VAV2: variants seen among roughly 807,000 people sequenced by gnomAD.
VAV2 encodes the protein guanine nucleotide exchange factor VAV2.
A neutral mutation model predicts 132.5 loss-of-function variants in VAV2; 67 were observed. The observed-to-expected ratio is 0.51, with a 90% CI of 0.42 to 0.62. The LOEUF (loss-of-function observed/expected upper bound fraction) is 0.62. Ranked by LOEUF, VAV2 falls within the 20% of genes least tolerant of loss-of-function variation. The pLI is 0.00. For missense variants in VAV2, 938 were observed against 1,153.6 expected (o/e 0.81, Z 2.71); for synonymous variants, 492 against 443.5 (o/e 1.11, Z -1.37).
intron 4 of VAV2, among the ~76,000 whole-genome samples, chr9:133,815,892 G>A (rs1332168430): frequency 6.6e-6 from 1 of 152,216 alleles, no homozygotes; most frequent in South Asian, 2.1e-4. Context: ...GGGAGGTCTA[G>A]ACTCAACCTC....
chr9:133,984,120 C>T (rs966847695), intron 1 of VAV2, among the ~76,000 whole-genome samples: 2 of 152,104 alleles, frequency 1.3e-5, no homozygotes, highest in Admixed American at 1.3e-4. Context: ...TACAAGTGTG[C>T]ACCACCACAC....
intron 2 of VAV2, among the ~76,000 whole-genome samples, chr9:133,901,131 G>C (rs1413540297): frequency 1.3e-5 from 2 of 152,104 alleles, no homozygotes; most frequent in African/African-American, 4.8e-5. Flanking sequence ...GAACCTTAAG[G>C]GGGCCAAGGG....
intron 2 of VAV2, among the ~76,000 whole-genome samples, chr9:133,886,718 C>G (rs1162051699): frequency 6.6e-6 from 1 of 152,230 alleles, no homozygotes; most frequent in Non-Finnish European, 1.5e-5. Flanking sequence ...CCTTCCTCTT[C>G]CGCTGGCAAC....
intron 1 of VAV2, among the ~76,000 whole-genome samples, chr9:133,960,956 C>G (rs899010703): frequency 4.6e-5 from 7 of 152,224 alleles, no homozygotes; most frequent in Non-Finnish European, 8.8e-5. Context: ...ATGGTGAGCA[C>G]AGAGGCAGGA....
intron 13 of VAV2, among the ~76,000 whole-genome samples, chr9:133,790,235 G>C (rs938655225): frequency 6.6e-6 from 1 of 152,194 alleles, no homozygotes; most frequent in Non-Finnish European, 1.5e-5. Flanking sequence ...GGAGTGCAGT[G>C]GCGCAATCGT....
chr9:133,780,219 T>C (rs73550069), intron 20 of VAV2, among the ~76,000 whole-genome samples: 12,745 of 152,230 alleles, frequency 0.084, 793 homozygotes, highest in African/African-American at 0.17. Flanking sequence ...CCTGACCACC[T>C]GCTCTGAGCC....
chr9:133,818,885 C>G (rs138493205), intron 4 of VAV2, among the ~76,000 whole-genome samples: 34 of 152,200 alleles, frequency 2.2e-4, no homozygotes, highest in Non-Finnish European at 1.9e-4. Flanking sequence ...GCTGGGATTA[C>G]AGGCACTCAC....
chr9:133,852,450 CA>C (rs1837225631), intron 3 of VAV2, among the ~76,000 whole-genome samples: 1 of 151,718 alleles, frequency 6.6e-6, no homozygotes, highest in African/African-American at 2.4e-5. Context: ...AGGAGAAAAG[CA>C]ATAATAAAAT....
intron 2 of VAV2, among the ~76,000 whole-genome samples, chr9:133,932,785 G>A (rs603601): frequency 0.39 from 59,101 of 152,016 alleles, 12,289 homozygotes; most frequent in East Asian, 0.58. Flanking sequence ...GGAGGCACCA[G>A]AAGGCAGGTG....
chr9:133,764,200 G>A, intron 29 of VAV2, 91 bp from the exon 30 acceptor site: 1 of 1,538,980 alleles, frequency 6.5e-7, no homozygotes, highest in South Asian at 1.1e-5. Context: ...GCAAGTAGAG[G>A]CTCATGAAGA....
intron 3 of VAV2, among the ~76,000 whole-genome samples, chr9:133,853,656 G>C (rs1837273377): frequency 6.6e-6 from 1 of 152,098 alleles, no homozygotes; most frequent in Admixed American, 6.5e-5. Flanking sequence ...TCCCCACCCA[G>C]GGCCAGCTCT....
Position 133,824,209 on chromosome 9 carries a change from GGT to G in VAV2, c.449+10061_449+10062del, listed in dbSNP as rs199996044. Among the ~76,000 whole-genome samples the G allele has an allele frequency of 0.016, 2,378 of 152,256 alleles. 36 individuals carry two copies. The highest frequency in any genetic ancestry group is 0.02 in the Middle Eastern group (6 of 294). ...TGCTGATGGCTCTGTTAACAGGGAA[GGT>G]GCGGACAGGGAGCTCCCGCCCAGCA... On this transcript the variant is annotated intron_variant, in intron 4 of 29. Coordinates refer to ENST00000371850, the MANE Select transcript of VAV2 (RefSeq NM_001134398.2). The surrounding 1 kb of genome is among the most constrained non-coding windows in gnomAD (Gnocchi z 5.2).
Position 133,776,047 on chromosome 9 carries a change from C to T in VAV2, c.1999G>A (p.Asp667Asn), listed in dbSNP as rs142558070. 1.4e-4 allele frequency: 228 copies of T among 1,613,056 alleles called. No individual in the cohort carries two copies. The African/African-American group carries it at 2.6e-3, about 18-fold the overall frequency. Residue 667 changes from aspartate to asparagine, a missense_variant, in exon 24 of 30, where the codon GAC (aspartate) becomes AAC (asparagine). Transcript: ENST00000371850. Reference protein sequence around the residue: ...PISRPPSREIDYTAYPWFAGN... With the variant: ...PISRPPSREINYTAYPWFAGN... Reference sequence around the variant, plus strand: ...ACTCACCAGGGGTATGCAGTGTAGTCGATCTCCCGGGATGGCGGCCGGCTG... The same window carrying T: ...ACTCACCAGGGGTATGCAGTGTAGTTGATCTCCCGGGATGGCGGCCGGCTG...
intron 1 of VAV2, among the ~76,000 whole-genome samples, chr9:133,968,731 C>T (rs118054461): frequency 0.027 from 4,169 of 152,306 alleles, 83 homozygotes; most frequent in Middle Eastern, 0.068. Flanking sequence ...AGCTTCAGAC[C>T]ATGGCACTGT....
intron 2 of VAV2, among the ~76,000 whole-genome samples, chr9:133,867,126 G>A (rs185897174): frequency 2.0e-5 from 3 of 152,276 alleles, no homozygotes; most frequent in Non-Finnish European, 4.4e-5. Flanking sequence ...TGAGGACACG[G>A]CCATGGGTCT....
chr9:133,796,607 GGAGA>G, intron 10 of VAV2, 83 bp from the exon 11 acceptor site: 1 of 1,288,650 alleles, frequency 7.8e-7, no homozygotes, highest in Non-Finnish European at 1.1e-6. Flanking sequence ...CACAGAGAGG[GGAGA>G]CCTAAGCCCA....
intron 1 of VAV2, among the ~76,000 whole-genome samples, chr9:133,965,824 A>C (rs1322438116): frequency 6.6e-6 from 1 of 152,248 alleles, no homozygotes; most frequent in Non-Finnish European, 1.5e-5. Context: ...TGAAGTGCCA[A>C]AGCAATCCTG....
intron 2 of VAV2, among the ~76,000 whole-genome samples, chr9:133,903,186 CCGGG>C (rs1353441027): frequency 6.7e-6 from 1 of 149,324 alleles, no homozygotes; most frequent in African/African-American, 2.6e-5. Flanking sequence ...GGAGAGTGCC[CCGGG>C]ACACAGTCTC....
intron 4 of VAV2, among the ~76,000 whole-genome samples, chr9:133,813,326 G>C (rs903731667): frequency 1.3e-5 from 2 of 152,348 alleles, no homozygotes; most frequent in South Asian, 4.1e-4. Flanking sequence ...AGGCGAGGCA[G>C]GGACAGAAGC....
Sources: allele counts gnomAD v4.1 joint callset (sites outside exome capture counted in the v4.1 genomes callset), GRCh38; gene constraint gnomAD v4.1.1; non-coding constraint Gnocchi (gnomAD v3.1); transcripts MANE v1.5; gene names NCBI Gene and HGNC (gene_info 2026-07-23, HGNC 2026-07-21).